The following RBM19 variants were observed in gnomAD, a reference collection of about 807,000 sequenced individuals.
RBM19 encodes the protein RNA binding motif protein 19.
Under a neutral mutation model 116.8 loss-of-function variants are expected in RBM19, and 94 were observed. The ratio of observed to expected loss-of-function variants is 0.80; its 90% CI spans 0.68 to 0.95. RBM19 has a LOEUF of 0.95. Ranked by LOEUF, RBM19 falls within the 40% of genes least tolerant of loss-of-function variation. The probability of loss-of-function intolerance (pLI) is 0.00; values close to 1 mark genes in which losing one functional copy is unlikely to be tolerated. For synonymous variants in RBM19, 475 were observed against 494.1 expected (o/e 0.96, Z 0.51); for missense variants, 1,161 against 1,220.7 (o/e 0.95, Z 0.73).
intron 6 of RBM19, among the ~76,000 whole-genome samples, chr12:113,957,346 T>C (rs1452126766): frequency 6.6e-6 from 1 of 152,104 alleles, no homozygotes; most frequent in African/African-American, 2.4e-5. Context: ...GAGGCTGAGA[T>C]GAGTGGATCA....
At chr12:113,870,503 C>A (rs1879135330) in intron 21 of RBM19, among the ~76,000 whole-genome samples, 1 of 152,186 alleles carries the variant, frequency 6.6e-6, no homozygotes, top group Non-Finnish European at 1.5e-5. Flanking sequence ...TTTGACTCCT[C>A]AACCTAAGGC....
intron 21 of RBM19, among the ~76,000 whole-genome samples, chr12:113,892,230 G>A (rs931649053): frequency 6.6e-6 from 1 of 152,136 alleles, no homozygotes; most frequent in Non-Finnish European, 1.5e-5. Flanking sequence ...CTCGGGCCTC[G>A]GTTCTGCCAC....
rs1566041307 is a variant in RBM19, at chr12:113,955,225, AAAAC to A, written c.841-18_841-15del. On this transcript the variant is annotated splice_polypyrimidine_tract_variant and intron_variant, in intron 6 of 23. Transcript: ENST00000261741. ...TGGTTTCTCTGTCTGAGTGATCACA[AAAAC>A]AAACAGAAGTGGCCACACTAACCCT... The A allele has an allele frequency of 6.2e-7, 1 of 1,612,238 alleles. No individual in the cohort carries two copies. Among genetic ancestry groups the A allele is most frequent in the Non-Finnish European group, 8.5e-7 (1 of 1,178,380 alleles).
At chr12:113,927,700 GTC>G (rs1869231775) in intron 16 of RBM19, among the ~76,000 whole-genome samples, 1 of 151,570 alleles carries the variant, frequency 6.6e-6, no homozygotes, top group African/African-American at 2.4e-5. Context: ...CTTAGGAAGA[GTC>G]TAAATACCCC....
chr12:113,872,566 A>T, intron 21 of RBM19, among the ~76,000 whole-genome samples: 1 of 58,740 alleles, frequency 1.7e-5, no homozygotes, highest in East Asian at 6.6e-4. Flanking sequence ...TCCGGGAGGG[A>T]GGTGGGGGGG....
At chr12:113,864,509 C>T (rs1182072892) in intron 21 of RBM19, among the ~76,000 whole-genome samples, 1 of 152,190 alleles carries the variant, frequency 6.6e-6, no homozygotes, top group Non-Finnish European at 1.5e-5. Context: ...CCCATGGAAC[C>T]ATTCCCACTG....
rs80334769 is a variant in RBM19 at position 113,905,200 on chromosome 12, T to C, written c.2558+9769A>G. Among the ~76,000 whole-genome samples, 264 of 152,308 alleles carry C rather than the reference T, an allele frequency of 1.7e-3. 1 individual carries two copies. The highest frequency in any genetic ancestry group is 2.5e-3 in the Non-Finnish European group (170 of 68,032). On this transcript the variant is annotated intron_variant, in intron 21 of 23. Transcript: ENST00000261741. ...CGAGAAAGAACAAAGCCACTGGATA[T>C]CAAGTCTATTACAAAGCCTTGGTAA...
chr12:113,880,988 G>A (rs182272185), intron 21 of RBM19, among the ~76,000 whole-genome samples: 21 of 152,246 alleles, frequency 1.4e-4, no homozygotes, highest in African/African-American at 3.6e-4. Context: ...GTCTGCAAAC[G>A]CGGGTGAGTT....
intron 23 of RBM19, among the ~76,000 whole-genome samples, chr12:113,823,932 G>T (rs1874637899): frequency 6.6e-6 from 1 of 152,250 alleles, no homozygotes; most frequent in South Asian, 2.1e-4. Flanking sequence ...GAATAGAACA[G>T]ATGCAAAGCT....
chr12:113,901,703 C>CG (rs1358566378), intron 21 of RBM19, among the ~76,000 whole-genome samples: 4 of 151,830 alleles, frequency 2.6e-5, no homozygotes, highest in Non-Finnish European at 5.9e-5. Context: ...TTGGTAGAGA[C>CG]GGGGTTTCAC....
intron 21 of RBM19, among the ~76,000 whole-genome samples, chr12:113,867,440 G>C (rs566920708): frequency 1.4e-4 from 21 of 152,266 alleles, no homozygotes; most frequent in Middle Eastern, 3.4e-3. Flanking sequence ...GACCTGATGT[G>C]CTCCGGCCTC....
intron 20 of RBM19, among the ~76,000 whole-genome samples, chr12:113,917,372 G>A (rs991152863): frequency 2.6e-5 from 4 of 152,214 alleles, no homozygotes; most frequent in Non-Finnish European, 4.4e-5. Context: ...CAAGGTCACA[G>A]AGCTCCTGAA....
intron 21 of RBM19, among the ~76,000 whole-genome samples, chr12:113,893,043 A>G (rs1162997106): frequency 9.1e-6 from 1 of 109,450 alleles, no homozygotes; most frequent in African/African-American, 4.0e-5. Context: ...TTTTTTTTTT[A>G]ATAAGAGAGA....
intron 21 of RBM19, 130 bp from the exon 22 acceptor site, chr12:113,859,026 G>A (rs746317959): frequency 3.2e-5 from 24 of 758,496 alleles, no homozygotes; most frequent in African/African-American, 1.0e-4. Context: ...GCACACACAC[G>A]CTCACACATG....
At chr12:113,907,483 C>T (rs1000776730) in intron 21 of RBM19, among the ~76,000 whole-genome samples, 3 of 152,172 alleles carry the variant, frequency 2.0e-5, no homozygotes, top group East Asian at 1.9e-4. Flanking sequence ...AATGAAAGCA[C>T]GCATTCATTC....
intron 9 of RBM19, among the ~76,000 whole-genome samples, chr12:113,949,693 C>T (rs926924046): frequency 3.9e-5 from 6 of 152,082 alleles, no homozygotes; most frequent in South Asian, 4.1e-4. Context: ...ACATCCTGTC[C>T]GTAGAGCCAG....
chr12:113,877,358 C>G (rs1879745350), intron 21 of RBM19, among the ~76,000 whole-genome samples: 1 of 152,204 alleles, frequency 6.6e-6, no homozygotes, highest in Admixed American at 6.5e-5. Context: ...ATGGCCCCCA[C>G]TACCCCTCCC....
chr12:113,861,873 T>C (rs1398901863), intron 21 of RBM19, among the ~76,000 whole-genome samples: 4 of 152,050 alleles, frequency 2.6e-5, no homozygotes, highest in Non-Finnish European at 5.9e-5. Context: ...CTGAAGGGCC[T>C]TGGGGGAGGT....
At position 113,857,399 on chromosome 12, in the gene RBM19, G is replaced by A. The variant is rs139740926; in HGVS notation, c.2664+1392C>T. ...GGAGGGGGGCGCAGCCATCATTCCC[G>A]TTTCACAGATCAGAAAACTGTGGCA... is the stretch of plus-strand genomic sequence containing the variant. On this transcript the variant is annotated intron_variant, in intron 22 of 23. Coordinates refer to ENST00000261741, the MANE Select transcript of RBM19 (RefSeq NM_016196.4). Among the ~76,000 whole-genome samples, 422 of 152,346 alleles carry A rather than the reference G, an allele frequency of 2.8e-3. 5 individuals are homozygous for A. The highest frequency in any genetic ancestry group is 9.8e-3 in the African/African-American group (407 of 41,584).
Sources: allele counts gnomAD v4.1 joint callset (sites outside exome capture counted in the v4.1 genomes callset), GRCh38; gene constraint gnomAD v4.1.1; transcripts MANE v1.5; gene names NCBI Gene and HGNC (gene_info 2026-07-23, HGNC 2026-07-21).